The following PDK1 variants were observed in gnomAD, a reference collection of about 807,000 sequenced individuals.
PDK1 encodes the protein [Pyruvate dehydrogenase (acetyl-transferring)] kinase isozyme 1, mitochondrial.
A neutral mutation model predicts 54.2 loss-of-function variants in PDK1; 39 were observed. The ratio of observed to expected loss-of-function variants is 0.72; its 90% confidence interval spans 0.56 to 0.94. The LOEUF is 0.94. Ranked by LOEUF, PDK1 falls within the 40% of genes least tolerant of loss-of-function variation. The probability of loss-of-function intolerance (pLI) is 0.00; values close to 1 mark genes in which losing one functional copy is unlikely to be tolerated. For missense variants in PDK1, 552 were observed against 566.0 expected (o/e 0.98, Z 0.25); for synonymous variants, 221 against 207.1 (o/e 1.07, Z -0.58).
chr2:172,616,187 A>T, the PDK1 span, among the ~76,000 whole-genome samples: 8 of 151,926 alleles, frequency 5.3e-5, no homozygotes, highest in Non-Finnish European at 1.0e-4. Context: ...TTCAAAACCA[A>T]TTTAGCAGTT....
rs1691188848 is a variant in PDK1, at chr2:172,603,698, T to C, written c.*7729T>C. 1 of 152,312 alleles carries C rather than the reference T, an allele frequency of 6.6e-6. No individual in the cohort carries two copies. The highest frequency in any genetic ancestry group is 1.9e-4 in the East Asian group (1 of 5,156). 9.4% of individuals were successfully genotyped at this position (152,312 alleles called of 1,614,324 possible). ...GGTCCAAGTGATTTTCTCTGGTGAATGTCGATGTGGATCTAGTCTCCAGGG... is the reference window on the plus strand; with the variant it reads ...GGTCCAAGTGATTTTCTCTGGTGAACGTCGATGTGGATCTAGTCTCCAGGG... On this transcript the variant is annotated 3_prime_UTR_variant, in exon 11 of 11. Transcript: ENST00000282077.
intron 8 of PDK1, among the ~76,000 whole-genome samples, chr2:172,572,220 C>T (rs1024230787): frequency 6.6e-6 from 1 of 152,122 alleles, no homozygotes; most frequent in African/African-American, 2.4e-5. Flanking sequence ...CTCCCCTCCC[C>T]TCCCCTAGCC....
chr2:172,617,676 G>C, the PDK1 span, among the ~76,000 whole-genome samples: 5 of 152,176 alleles, frequency 3.3e-5, no homozygotes, highest in East Asian at 5.8e-4. Flanking sequence ...CTCCCATTAA[G>C]CCCCATCTCC....
Position 172,559,010 on chromosome 2 carries a change from G to T in PDK1, c.338+161G>T, listed in dbSNP as rs182826610. On this transcript the variant is annotated intron_variant, in intron 2 of 10. Transcript: ENST00000282077. ...GTCGCCCAGGCTGGAGTGCAGTGGCGCGATCTTGCCTCACTGCAAGCTCCG... is the reference window on the plus strand; with the variant it reads ...GTCGCCCAGGCTGGAGTGCAGTGGCTCGATCTTGCCTCACTGCAAGCTCCG... Among the ~76,000 whole-genome samples, 339 of 151,998 alleles carry T rather than the reference G, an allele frequency of 2.2e-3. 2 individuals are homozygous for T. Among genetic ancestry groups the T allele is most frequent in the African/African-American group, 7.6e-3 (315 of 41,478 alleles).
intron 8 of PDK1, among the ~76,000 whole-genome samples, chr2:172,584,963 C>A (rs1354595529): frequency 6.6e-6 from 1 of 151,418 alleles, no homozygotes; most frequent in African/African-American, 2.4e-5. Flanking sequence ...AGCCACCAGA[C>A]CCACCCAATA....
the PDK1 span, among the ~76,000 whole-genome samples, chr2:172,672,089 G>C: frequency 1.3e-5 from 2 of 152,284 alleles, no homozygotes; most frequent in South Asian, 4.1e-4. Flanking sequence ...CTTTGAAAGA[G>C]ACAAGAAGTA....
chr2:172,676,110 A>G, the PDK1 span, among the ~76,000 whole-genome samples: 2 of 152,118 alleles, frequency 1.3e-5, no homozygotes, highest in African/African-American at 2.4e-5. Flanking sequence ...TAGTTCTTTC[A>G]AAATATTACT....
At chr2:172,622,732 C>CAT in the PDK1 span, among the ~76,000 whole-genome samples, 11 of 122,358 alleles carry the variant, frequency 9.0e-5, no homozygotes, top group East Asian at 4.6e-4. Context: ...GTTTATATCT[C>CAT]ATATTATGTG....
chr2:172,666,237 T>C, the PDK1 span, among the ~76,000 whole-genome samples: 1 of 152,248 alleles, frequency 6.6e-6, no homozygotes, highest in African/African-American at 2.4e-5. Context: ...CTATTCCTTA[T>C]GTCTCAGTTG....
chr2:172,664,768 C>A, the PDK1 span, among the ~76,000 whole-genome samples: 1 of 149,588 alleles, frequency 6.7e-6, no homozygotes, highest in Non-Finnish European at 1.5e-5. Context: ...AGTTTGCCTG[C>A]TTTTCTTCAG....
At chr2:172,593,974 A>AT (rs1393708697) in intron 10 of PDK1, among the ~76,000 whole-genome samples, 1 of 150,216 alleles carries the variant, frequency 6.7e-6, no homozygotes, top group Non-Finnish European at 1.5e-5. Flanking sequence ...TCTAGATGGT[A>AT]TTTTTTGTTT....
At chr2:172,609,873 G>C (rs2149329311), downstream of PDK1, among the ~76,000 whole-genome samples, 1 of 152,274 alleles carries the variant, frequency 6.6e-6, no homozygotes. Context: ...CCAGGCTGGA[G>C]TGCAGTGGTG....
chr2:172,658,389 A>T, the PDK1 span, among the ~76,000 whole-genome samples: 6 of 152,166 alleles, frequency 3.9e-5, no homozygotes, highest in African/African-American at 7.2e-5. Flanking sequence ...TAAGCTGAGG[A>T]TGTATATCAC....
intron 8 of PDK1, among the ~76,000 whole-genome samples, chr2:172,579,615 T>A (rs556909816): frequency 6.6e-6 from 1 of 151,796 alleles, no homozygotes; most frequent in Non-Finnish European, 1.5e-5. Flanking sequence ...CCTGCTGTTC[T>A]TTTTGAGAAG....
At position 172,564,503 on chromosome 2, in the gene PDK1, C is replaced by A. The variant is rs141078693; in HGVS notation, c.411C>A (p.Asp137Glu). Reference protein sequence around the residue: ...KSAEDAKAIYDFTDTVIRIRN... With the variant: ...KSAEDAKAIYEFTDTVIRIRN... The stretch of plus-strand genomic sequence containing the variant: ...TGTTTTGACAGATGGGTTTGTTTAG[C>A]TTTACAGATACTGTGATACGGATCA... The change falls in exon 4 of 11, where the codon GAC becomes GAA. Residue 137 changes from aspartate (D) to glutamate (E), a missense_variant and splice_region_variant. Physicochemically the swap from Asp to Glu is conservative, Grantham distance 45 (BLOSUM62 2). Transcript: ENST00000282077. 335 of 1,611,588 alleles carry A rather than the reference C, an allele frequency of 2.1e-4. 1 individual carries two copies. The African/African-American group carries it at 3.6e-3, about 17-fold the overall frequency.
the PDK1 span, among the ~76,000 whole-genome samples, chr2:172,687,220 A>G: frequency 6.6e-6 from 1 of 152,112 alleles, no homozygotes; most frequent in Non-Finnish European, 1.5e-5. Context: ...GCCAATTACT[A>G]ATGAGGTTGA....
the PDK1 span, among the ~76,000 whole-genome samples, chr2:172,649,533 T>G: frequency 6.6e-6 from 1 of 151,954 alleles, no homozygotes; most frequent in Non-Finnish European, 1.5e-5. Context: ...AATAACAAAC[T>G]TCTCCGAGCT....
chr2:172,714,254 C>G, the PDK1 span, among the ~76,000 whole-genome samples: 2 of 152,134 alleles, frequency 1.3e-5, no homozygotes, highest in Non-Finnish European at 2.9e-5. Flanking sequence ...CCTATGACAT[C>G]ACTCTTTTCA....
the PDK1 span, chr2:172,674,598 A>T: frequency 6.6e-6 from 1 of 152,318 alleles, no homozygotes. Flanking sequence ...CCCTCTGCAG[A>T]AGTCGTCAGC....
Sources: allele counts gnomAD v4.1 joint callset (sites outside exome capture counted in the v4.1 genomes callset), GRCh38; gene constraint gnomAD v4.1.1; transcripts MANE v1.5; gene names NCBI Gene and HGNC (gene_info 2026-07-23, HGNC 2026-07-21).